Variants in LRMDA observed in about 807,000 individuals in gnomAD.
The protein encoded by LRMDA is leucine-rich melanocyte differentiation-associated protein.
LRMDA carries 18 observed loss-of-function variants against 29.8 expected under a neutral mutation model. The ratio of observed to expected loss-of-function variants is 0.60; its 90% confidence interval spans 0.42 to 0.90. The LOEUF is 0.90. LRMDA is among the 40% of genes least tolerant of loss of function. LRMDA has a pLI of 0.00. For synonymous variants in LRMDA, 125 were observed against 109.4 expected (o/e 1.14, Z -0.89); for missense variants, 273 against 273.9 (o/e 1.00, Z 0.02).
At chr10:75,794,584 A>G (rs1222180330) in intron 2 of LRMDA, among the ~76,000 whole-genome samples, 1 of 152,232 alleles carries the variant, frequency 6.6e-6, no homozygotes. Flanking sequence ...TACCTACTCT[A>G]CATCCTCTCC....
intron 6 of LRMDA, among the ~76,000 whole-genome samples, chr10:76,360,994 C>T (rs567383530): frequency 6.6e-6 from 1 of 152,136 alleles, no homozygotes; most frequent in South Asian, 2.1e-4. Flanking sequence ...GGTGTGGTGG[C>T]TTATGCCTGT....
At chr10:75,488,857 G>A (rs531850421) in intron 2 of LRMDA, among the ~76,000 whole-genome samples, 12 of 152,194 alleles carry the variant, frequency 7.9e-5, no homozygotes, top group Admixed American at 1.3e-4. Context: ...CCCCAGAAGC[G>A]CAGTCACTTA....
chr10:75,886,660 A>C (rs1201863372), intron 2 of LRMDA, among the ~76,000 whole-genome samples: 1 of 152,208 alleles, frequency 6.6e-6, no homozygotes, highest in African/African-American at 2.4e-5. Context: ...CTAGTCTTGC[A>C]TGGCTATTTA....
chr10:76,375,869 A>G (rs1461642778), intron 6 of LRMDA, among the ~76,000 whole-genome samples: 1 of 152,130 alleles, frequency 6.6e-6, no homozygotes, highest in African/African-American at 2.4e-5. Context: ...AACACTACAG[A>G]AAAGAATAGA....
At chr10:75,662,336 C>G (rs972926852) in intron 2 of LRMDA, among the ~76,000 whole-genome samples, 5 of 152,150 alleles carry the variant, frequency 3.3e-5, no homozygotes, top group Admixed American at 1.3e-4. Context: ...CTGAGTAGAT[C>G]ATAGACGGAT....
intron 2 of LRMDA, among the ~76,000 whole-genome samples, chr10:75,528,259 G>T (rs554653269): frequency 2.0e-5 from 3 of 152,218 alleles, no homozygotes; most frequent in Admixed American, 6.5e-5. Flanking sequence ...GACTTCAGAT[G>T]CTATCTCTCA....
intron 2 of LRMDA, among the ~76,000 whole-genome samples, chr10:76,025,139 T>A (rs1349491814): frequency 6.6e-6 from 1 of 151,742 alleles, no homozygotes; most frequent in African/African-American, 2.4e-5. Context: ...AAGCCGTGAA[T>A]CAAAATAATT....
At chr10:75,455,404 A>G (rs775044475) in intron 2 of LRMDA, among the ~76,000 whole-genome samples, 9 of 152,180 alleles carry the variant, frequency 5.9e-5, no homozygotes, top group Non-Finnish European at 1.2e-4. Flanking sequence ...ATGTTTCCCC[A>G]TTTGAAAGCT....
intron 2 of LRMDA, among the ~76,000 whole-genome samples, chr10:75,468,073 TCTGCATGTTTCCATAA>T (rs1335975014): frequency 6.6e-6 from 1 of 152,148 alleles, no homozygotes; most frequent in Admixed American, 6.5e-5. Flanking sequence ...CCAAGGATTA[TCTGCATGTTTCCATAA>T]CTGATCCTAA....
intron 2 of LRMDA, among the ~76,000 whole-genome samples, chr10:75,885,387 T>C (rs1845369767): frequency 6.6e-6 from 1 of 152,220 alleles, no homozygotes; most frequent in African/African-American, 2.4e-5. Flanking sequence ...TGTGTGACTT[T>C]GGGCAAGCCT....
At chr10:75,754,294 T>G (rs1843001505) in intron 2 of LRMDA, among the ~76,000 whole-genome samples, 1 of 152,186 alleles carries the variant, frequency 6.6e-6, no homozygotes, top group Admixed American at 6.5e-5. Flanking sequence ...GTTATGGGAA[T>G]TGATGGCTTG....
intron 2 of LRMDA, among the ~76,000 whole-genome samples, chr10:75,948,060 C>T (rs1846507444): frequency 6.6e-6 from 1 of 152,202 alleles, no homozygotes; most frequent in Non-Finnish European, 1.5e-5. Flanking sequence ...TCTTTGCAGA[C>T]ACTCACATGC....
chr10:75,702,854 A>T (rs1472904379), intron 2 of LRMDA, among the ~76,000 whole-genome samples: 1 of 152,178 alleles, frequency 6.6e-6, no homozygotes, highest in East Asian at 1.9e-4. Context: ...TGAGAATAAT[A>T]ATTTTGAGGT....
intron 5 of LRMDA, among the ~76,000 whole-genome samples, chr10:76,087,814 T>C (rs1233325686): frequency 6.6e-6 from 1 of 152,130 alleles, no homozygotes; most frequent in Admixed American, 6.5e-5. Flanking sequence ...CCTCAGTGTT[T>C]GAAAATATAG....
At chr10:75,744,837 T>G (rs543200962) in intron 2 of LRMDA, among the ~76,000 whole-genome samples, 1 of 152,244 alleles carries the variant, frequency 6.6e-6, no homozygotes, top group East Asian at 1.9e-4. Context: ...AGGGCCAGGC[T>G]CTTTGCTATG....
chr10:76,064,196 G>A (rs1170288896), intron 5 of LRMDA, among the ~76,000 whole-genome samples: 1 of 152,134 alleles, frequency 6.6e-6, no homozygotes, highest in Admixed American at 6.6e-5. Flanking sequence ...CAGATTCTGG[G>A]CATCGTATTT....
chr10:76,357,037 C>T (rs74148453), intron 6 of LRMDA, among the ~76,000 whole-genome samples: 2 of 151,930 alleles, frequency 1.3e-5, no homozygotes, highest in East Asian at 3.9e-4. Context: ...TGAGTGCAAA[C>T]CAAAAAATTG....
intron 5 of LRMDA, among the ~76,000 whole-genome samples, chr10:76,084,707 G>T (rs948241793): frequency 6.6e-6 from 1 of 151,968 alleles, no homozygotes; most frequent in Admixed American, 6.6e-5. Flanking sequence ...CTTAGTAGTA[G>T]GTTAGTAAAA....
At chr10:76,444,837 T>G (rs1371740078) in intron 6 of LRMDA, among the ~76,000 whole-genome samples, 2 of 151,746 alleles carry the variant, frequency 1.3e-5, no homozygotes, top group South Asian at 4.1e-4. Flanking sequence ...GTGTACTATA[T>G]GTGTGTGCAT....
Sources: gnomAD v4.1 joint callset for allele counts (sites outside exome capture counted in the v4.1 genomes callset) on GRCh38, gnomAD v4.1.1 for gene constraint, MANE v1.5 for transcripts, NCBI Gene and HGNC (gene_info 2026-07-23, HGNC 2026-07-21) for gene names.